Variants in CACNA2D1 observed in about 807,000 individuals in gnomAD.
The protein encoded by CACNA2D1 is voltage-dependent calcium channel subunit alpha-2/delta-1.
A neutral mutation model predicts 171.5 loss-of-function variants in CACNA2D1; 53 were observed. That is an observed-to-expected ratio of 0.31 (90% CI 0.25 to 0.39). CACNA2D1 has a LOEUF of 0.39. Among genes scored for constraint, CACNA2D1 ranks in the 10% least tolerant of loss-of-function variants. The pLI, the probability that CACNA2D1 is intolerant of heterozygous loss-of-function variation, is 1.00. For synonymous variants in CACNA2D1, 442 were observed against 443.1 expected (o/e 1.00, Z 0.03); for missense variants, 903 against 1,299.8 (o/e 0.69, Z 4.69).
At chr7:82,204,231 T>A (rs1228496630) in intron 3 of CACNA2D1, among the ~76,000 whole-genome samples, 1 of 152,148 alleles carries the variant, frequency 6.6e-6, no homozygotes, top group East Asian at 1.9e-4. Flanking sequence ...TAGAGCAATG[T>A]GAATGGTGAT....
At chr7:82,206,219 A>C (rs1485877938) in intron 3 of CACNA2D1, among the ~76,000 whole-genome samples, 1 of 151,998 alleles carries the variant, frequency 6.6e-6, no homozygotes, top group Non-Finnish European at 1.5e-5. Context: ...CTGCACTTAG[A>C]TCATACTTCT....
At chr7:82,110,251 A>G (rs1253037056) in intron 6 of CACNA2D1, among the ~76,000 whole-genome samples, 1 of 152,142 alleles carries the variant, frequency 6.6e-6, no homozygotes, top group African/African-American at 2.4e-5. Flanking sequence ...CTAACCACCA[A>G]TGTGATATTA....
intron 10 of CACNA2D1, among the ~76,000 whole-genome samples, chr7:82,049,183 A>G (rs966156450): frequency 6.7e-6 from 1 of 149,882 alleles, no homozygotes; most frequent in Non-Finnish European, 1.5e-5. Context: ...CCCTGCTATT[A>G]TAACAACTAA....
chr7:82,109,293 G>C (rs1468662815), intron 6 of CACNA2D1, among the ~76,000 whole-genome samples: 1 of 151,978 alleles, frequency 6.6e-6, no homozygotes, highest in Non-Finnish European at 1.5e-5. Context: ...TCCTACTGAT[G>C]AAAACTCTTT....
intron 3 of CACNA2D1, among the ~76,000 whole-genome samples, chr7:82,199,663 T>G (rs1301743174): frequency 6.6e-6 from 1 of 152,094 alleles, no homozygotes; most frequent in Non-Finnish European, 1.5e-5. Context: ...TTTGGCAGTT[T>G]CTTATGAAGT....
intron 3 of CACNA2D1, among the ~76,000 whole-genome samples, chr7:82,213,789 C>A (rs548170590): frequency 6.6e-6 from 1 of 152,056 alleles, no homozygotes; most frequent in African/African-American, 2.4e-5. Context: ...TTTTTTTAGC[C>A]TCAAAATATC....
rs200182325 is a variant in CACNA2D1, at chr7:82,320,783, CAT to C, written c.294+14350_294+14351del. 3.9e-3 allele frequency among the ~76,000 whole-genome samples: 588 copies of C among 152,004 alleles called. 2 individuals are homozygous for C. Among genetic ancestry groups the C allele is most frequent in the African/African-American group, 0.013 (551 of 41,430 alleles). ...ATAATAAAGCAATCAAAAGTTTTCT[CAT>C]ATATGTGTAAAGATGTGCTATAAAC... On this transcript the variant is annotated intron_variant, in intron 3 of 38. Coordinates refer to ENST00000356860, the MANE Select transcript of CACNA2D1 (RefSeq NM_000722.4).
intron 6 of CACNA2D1, among the ~76,000 whole-genome samples, chr7:82,100,481 G>A (rs1417957241): frequency 6.6e-6 from 1 of 151,662 alleles, no homozygotes; most frequent in African/African-American, 2.4e-5. Flanking sequence ...TGAAACCCCT[G>A]GATGTTATTT....
intron 3 of CACNA2D1, among the ~76,000 whole-genome samples, chr7:82,279,567 T>C (rs953932392): frequency 1.3e-5 from 2 of 152,188 alleles, no homozygotes; most frequent in Non-Finnish European, 2.9e-5. Context: ...TCCCCAAGTT[T>C]ATATTCATCT....
Position 82,414,447 on chromosome 7 carries a change from G to T in CACNA2D1, c.95+28918C>A, listed in dbSNP as rs182413997. On this transcript the variant is annotated intron_variant, in intron 1 of 38. Transcript: ENST00000356860. ...ACACACATATTACAGAAGTGGTTAAGGAAACATGAAACAAACGTGGCGAAA... is the reference window on the plus strand; with the variant it reads ...ACACACATATTACAGAAGTGGTTAATGAAACATGAAACAAACGTGGCGAAA... Among the ~76,000 whole-genome samples the T allele has an allele frequency of 6.6e-5, 10 of 152,238 alleles. No homozygotes were observed. The East Asian group carries it at 1.9e-3, about 29-fold the overall frequency.
At chr7:82,149,014 C>A (rs937085154) in intron 4 of CACNA2D1, among the ~76,000 whole-genome samples, 1 of 152,168 alleles carries the variant, frequency 6.6e-6, no homozygotes, top group Admixed American at 6.6e-5. Context: ...AGTCACTACA[C>A]ATCACTGGTT....
chr7:82,147,232 T>C (rs956283499), intron 4 of CACNA2D1, among the ~76,000 whole-genome samples: 8 of 152,052 alleles, frequency 5.3e-5, no homozygotes, highest in Non-Finnish European at 1.0e-4. Context: ...AGGAGATCAA[T>C]TCTTATTAAA....
chr7:82,234,833 G>A (rs762751752), intron 3 of CACNA2D1, among the ~76,000 whole-genome samples: 6 of 152,130 alleles, frequency 3.9e-5, no homozygotes, highest in Non-Finnish European at 8.8e-5. Context: ...TTTGAAGCAA[G>A]ATACTTTTCC....
chr7:82,280,154 T>C (rs1465703735), intron 3 of CACNA2D1, among the ~76,000 whole-genome samples: 1 of 152,246 alleles, frequency 6.6e-6, no homozygotes, highest in Non-Finnish European at 1.5e-5. Context: ...GTATTTTATT[T>C]TGAATCATAA....
At chr7:82,136,755 TATAAA>T in intron 4 of CACNA2D1, 79 bp from the exon 5 acceptor site, 1 of 946,496 alleles carries the variant, frequency 1.1e-6, no homozygotes, top group Non-Finnish European at 1.6e-6. Flanking sequence ...TTATGCATAT[TATAAA>T]ATAAACTCCT....
intron 3 of CACNA2D1, among the ~76,000 whole-genome samples, chr7:82,267,877 GTC>G (rs1386410330): frequency 1.3e-5 from 2 of 152,032 alleles, no homozygotes; most frequent in African/African-American, 2.4e-5. Flanking sequence ...GGTGCCTGTA[GTC>G]TCAGCTACTC....
rs1384011775 is a variant in CACNA2D1 at position 82,338,456 on chromosome 7, A to T, written c.178-3205T>A. ...GTGATCCTCCCATGTCAACCTTCCAAGTAGTTGGAACTACAGGTGCATGCC... is the reference window on the plus strand; with the variant it reads ...GTGATCCTCCCATGTCAACCTTCCATGTAGTTGGAACTACAGGTGCATGCC... On this transcript the variant is annotated intron_variant, in intron 2 of 38. Coordinates refer to ENST00000356860, the MANE Select transcript of CACNA2D1 (RefSeq NM_000722.4). 2.0e-5 allele frequency among the ~76,000 whole-genome samples: 3 copies of T among 152,170 alleles called. No individual in the cohort carries two copies. The East Asian group carries it at 5.8e-4, about 29-fold the overall frequency.
intron 3 of CACNA2D1, 78 bp from the exon 4 acceptor site, chr7:82,170,687 T>TA: frequency 7.7e-7 from 1 of 1,296,446 alleles, no homozygotes; most frequent in Non-Finnish European, 1.1e-6. Context: ...TTGCGCTTTC[T>TA]AATCAATTTT....
chr7:81,993,091 G>A (rs1390800663), intron 20 of CACNA2D1, among the ~76,000 whole-genome samples: 1 of 152,106 alleles, frequency 6.6e-6, no homozygotes, highest in East Asian at 1.9e-4. Flanking sequence ...GTTAGCATAT[G>A]TGCATTAAAA....
Sources: gnomAD v4.1 joint callset for allele counts (sites outside exome capture counted in the v4.1 genomes callset) on GRCh38, gnomAD v4.1.1 for gene constraint, MANE v1.5 for transcripts, NCBI Gene and HGNC (gene_info 2026-07-23, HGNC 2026-07-21) for gene names.